The following ZNF676 variants were observed in gnomAD, a reference collection of about 807,000 sequenced individuals.
ZNF676 encodes zinc finger protein 676.
A neutral mutation model predicts 6.0 loss-of-function variants in ZNF676; 4 were observed. That is an observed-to-expected ratio of 0.67 (90% CI 0.33 to 1.53). ZNF676 has a LOEUF of 1.53. Among genes scored for constraint, ZNF676 ranks in the 40% most tolerant of loss-of-function variants. ZNF676 has a pLI of 0.06. For missense variants in ZNF676, 644 were observed against 679.7 expected (o/e 0.95, Z 0.58); for synonymous variants, 198 against 223.1 (o/e 0.89, Z 1.00).
intron 1 of ZNF676, among the ~76,000 whole-genome samples, chr19:22,214,096 G>T (rs1318311143): frequency 1.3e-5 from 2 of 152,206 alleles, no homozygotes; most frequent in Non-Finnish European, 2.9e-5. Flanking sequence ...GTGAATAAGG[G>T]AGGGGAAACT....
the ZNF676 span, among the ~76,000 whole-genome samples, chr19:22,230,235 A>G: frequency 6.6e-6 from 1 of 152,200 alleles, no homozygotes; most frequent in Admixed American, 6.6e-5. Flanking sequence ...ATTCTCAGCA[A>G]ACTAACACAA....
rs749485895 is a variant in ZNF676, at chr19:22,180,575, T to C, written c.1142A>G (p.Asn381Ser). Residue 381 changes from asparagine (N) to serine (S), a missense_variant, in exon 3 of 3, where the codon AAT (asparagine) becomes AGT (serine). By Grantham distance (46) the Asn-to-Ser change is conservative (BLOSUM62 1). Coordinates refer to ENST00000397121, the MANE Select transcript of ZNF676 (RefSeq NM_001001411.3). ...TTCAGCATGAATTGCCTTATGTGTA[T>C]TAAGGGTTGAGACCTTACTAAAGGC... ...GKAFSKVSTL[N>S]THKAIHAEEK... 3.7e-6 allele frequency: 6 copies of C among 1,606,442 alleles called. No homozygotes were observed. Among genetic ancestry groups the C allele is most frequent in the South Asian group, 1.1e-5 (1 of 90,752 alleles).
intron 2 of ZNF676, among the ~76,000 whole-genome samples, chr19:22,186,353 C>G (rs1172486202): frequency 6.6e-6 from 1 of 152,170 alleles, no homozygotes; most frequent in African/African-American, 2.4e-5. Flanking sequence ...CACCACCAGG[C>G]CTGCCTTACA....
the ZNF676 span, among the ~76,000 whole-genome samples, chr19:22,255,906 C>T: frequency 5.1e-4 from 77 of 152,012 alleles, no homozygotes; most frequent in African/African-American, 1.4e-3. Flanking sequence ...TCTGGATGGA[C>T]GGTCACATAT....
the ZNF676 span, among the ~76,000 whole-genome samples, chr19:22,225,556 G>A: frequency 6.6e-6 from 1 of 152,134 alleles, no homozygotes; most frequent in African/African-American, 2.4e-5. Context: ...CTGCATCTTT[G>A]TTTTCCACCA....
intron 2 of ZNF676, among the ~76,000 whole-genome samples, chr19:22,182,593 A>AAAAAAAAAAAAAGC (rs1356303631): frequency 8.8e-5 from 8 of 90,930 alleles, no homozygotes; most frequent in Non-Finnish European, 1.5e-4. Context: ...TCTAAAAAAA[A>AAAAAAAAAAAAAGC]AAAAAAAAAG....
At position 22,196,648 on chromosome 19, in the gene ZNF676, A is replaced by T. The variant is rs750737398; in HGVS notation, c.-15T>A. On this transcript the variant is annotated 5_prime_UTR_variant, in exon 1 of 3. Coordinates refer to ENST00000397121, the MANE Select transcript of ZNF676 (RefSeq NM_001001411.3). ...TTCTCTAACATCACATTCCTATATA[A>T]ATTCTGCTGTGTAGAATCCAGGCAT... 3.5e-5 allele frequency: 57 copies of T among 1,613,570 alleles called. 1 individual carries two copies. The Middle Eastern group carries it at 6.6e-4, about 19-fold the overall frequency.
At chr19:22,214,642 A>T (rs1214716781) in intron 1 of ZNF676, among the ~76,000 whole-genome samples, 14 of 150,684 alleles carry the variant, frequency 9.3e-5, no homozygotes, top group Admixed American at 6.0e-4. Flanking sequence ...TATTTTTTTT[A>T]AATTACTACA....
the ZNF676 span, among the ~76,000 whole-genome samples, chr19:22,254,922 C>A: frequency 6.6e-6 from 1 of 152,188 alleles, no homozygotes; most frequent in Non-Finnish European, 1.5e-5. Flanking sequence ...GCAGAAGGGT[C>A]AAATCACTCA....
upstream of ZNF676, among the ~76,000 whole-genome samples, chr19:22,217,692 CTGTTTGTT>C (rs112661841): frequency 5.1e-3 from 748 of 147,680 alleles, 6 homozygotes; most frequent in African/African-American, 0.015. Flanking sequence ...ATGGTCTTTT[CTGTTTGTT>C]TGTTTGTTTG....
chr19:22,209,126 GT>G (rs1167959930), intron 1 of ZNF676, among the ~76,000 whole-genome samples: 1 of 151,990 alleles, frequency 6.6e-6, no homozygotes, highest in South Asian at 2.1e-4. Context: ...TTAGCTGAGT[GT>G]GGTGGCACAC....
At chr19:22,260,128 G>A in the ZNF676 span, among the ~76,000 whole-genome samples, 16 of 152,208 alleles carry the variant, frequency 1.1e-4, no homozygotes, top group East Asian at 1.2e-3. Context: ...CCCAGGTCCC[G>A]GCCAGATTCC....
upstream of ZNF676, among the ~76,000 whole-genome samples, chr19:22,218,108 T>C (rs1381451469): frequency 6.6e-6 from 1 of 152,180 alleles, no homozygotes; most frequent in Admixed American, 6.5e-5. Context: ...TTTTTTAATG[T>C]TTGTTGGCCA....
intron 1 of ZNF676, among the ~76,000 whole-genome samples, chr19:22,202,961 T>C (rs902899658): frequency 1.3e-4 from 20 of 152,304 alleles, no homozygotes; most frequent in Admixed American, 2.6e-4. Flanking sequence ...CTCTCTACTC[T>C]CTGAGCACTG....
the ZNF676 span, among the ~76,000 whole-genome samples, chr19:22,235,612 C>T: frequency 6.6e-6 from 1 of 152,218 alleles, no homozygotes. Context: ...CATCCTCTGG[C>T]ATGCAAATGT....
the ZNF676 span, among the ~76,000 whole-genome samples, chr19:22,254,072 G>A: frequency 3.2e-4 from 48 of 152,180 alleles, no homozygotes; most frequent in Non-Finnish European, 5.4e-4. Flanking sequence ...CCTGTGGGTA[G>A]GAAGTGAGCA....
chr19:22,205,438 C>G (rs969352429), intron 1 of ZNF676, among the ~76,000 whole-genome samples: 4 of 152,012 alleles, frequency 2.6e-5, no homozygotes, highest in Non-Finnish European at 5.9e-5. Flanking sequence ...TTCAAAAATC[C>G]CAAAACGATA....
chr19:22,224,826 G>C, the ZNF676 span, among the ~76,000 whole-genome samples: 1 of 152,066 alleles, frequency 6.6e-6, no homozygotes, highest in Non-Finnish European at 1.5e-5. Flanking sequence ...AAGACCTGCT[G>C]TATCCAAAAA....
chr19:22,226,412 TTC>T, the ZNF676 span, among the ~76,000 whole-genome samples: 2 of 152,166 alleles, frequency 1.3e-5, no homozygotes, highest in Admixed American at 6.6e-5. Context: ...TAAATAATAT[TTC>T]TGTTTAAAAA....
Sources: allele counts gnomAD v4.1 joint callset (sites outside exome capture counted in the v4.1 genomes callset), GRCh38; gene constraint gnomAD v4.1.1; transcripts MANE v1.5; gene names NCBI Gene and HGNC (gene_info 2026-07-23, HGNC 2026-07-21).